Variants in INPP4B observed in about 807,000 individuals in gnomAD.
INPP4B encodes the protein inositol polyphosphate 4-phosphatase type II.
Under a neutral mutation model 122.5 loss-of-function variants are expected in INPP4B, and 55 were observed. The ratio of observed to expected loss-of-function variants is 0.45; its 90% CI spans 0.36 to 0.56. INPP4B has a LOEUF of 0.56. Ranked by LOEUF, INPP4B falls within the 20% of genes least tolerant of loss-of-function variation. INPP4B has a pLI of 0.00. For missense variants in INPP4B, 1,000 were observed against 1,097.7 expected (o/e 0.91, Z 1.26); for synonymous variants, 403 against 388.7 (o/e 1.04, Z -0.43).
At chr4:142,498,176 CAT>C (rs2149808875) in intron 2 of INPP4B, among the ~76,000 whole-genome samples, 1 of 148,248 alleles carries the variant, frequency 6.7e-6, no homozygotes, top group East Asian at 2.0e-4. Flanking sequence ...TGTATGTATA[CAT>C]ACATATGTAT....
At chr4:142,697,105 T>C (rs1351149335) in intron 2 of INPP4B, among the ~76,000 whole-genome samples, 2 of 152,222 alleles carry the variant, frequency 1.3e-5, no homozygotes, top group African/African-American at 4.8e-5. Context: ...GTGATGTTGA[T>C]GTCAATCATA....
intron 7 of INPP4B, among the ~76,000 whole-genome samples, chr4:142,338,538 TA>T (rs1366965398): frequency 6.6e-6 from 1 of 152,140 alleles, no homozygotes; most frequent in Non-Finnish European, 1.5e-5. Flanking sequence ...AGGCAACTTT[TA>T]AAAACAATAA....
chr4:142,146,961 C>T (rs1036898334), intron 17 of INPP4B, among the ~76,000 whole-genome samples: 2 of 152,116 alleles, frequency 1.3e-5, no homozygotes, highest in Non-Finnish European at 2.9e-5. Flanking sequence ...CACAAAATTG[C>T]TATTAATTGT....
intron 1 of INPP4B, among the ~76,000 whole-genome samples, chr4:142,747,599 T>A (rs368576894): frequency 6.6e-6 from 1 of 152,146 alleles, no homozygotes; most frequent in Non-Finnish European, 1.5e-5. Context: ...CTGTTCACAA[T>A]AGCTAAGACT....
intron 17 of INPP4B, among the ~76,000 whole-genome samples, chr4:142,157,740 C>T (rs1356286402): frequency 6.6e-6 from 1 of 152,112 alleles, no homozygotes; most frequent in Non-Finnish European, 1.5e-5. Flanking sequence ...AACCATGCCA[C>T]CTGATACTCC....
intron 2 of INPP4B, among the ~76,000 whole-genome samples, chr4:142,647,977 CTTTTCCTCCACCA>C (rs1752157031): frequency 6.6e-6 from 1 of 152,218 alleles, no homozygotes; most frequent in Non-Finnish European, 1.5e-5. Context: ...TTCTCTTTCT[CTTTTCCTCCACCA>C]TTCAATCCGA....
intron 7 of INPP4B, among the ~76,000 whole-genome samples, chr4:142,392,474 G>C (rs916420271): frequency 5.3e-5 from 8 of 151,966 alleles, no homozygotes; most frequent in Non-Finnish European, 8.8e-5. Flanking sequence ...CCCAATATAG[G>C]TGAGAAACTT....
rs137946868 is a variant in INPP4B at position 142,454,441 on chromosome 4, C to G, written c.-127+8222G>C. On this transcript the variant is annotated intron_variant, in intron 3 of 25. Coordinates refer to ENST00000262992, the MANE Select transcript of INPP4B (RefSeq NM_001101669.3). ...CACTGATTCTTTCCCACTTCATGAA[C>G]TATTCTGATAATTTCTTGACAAGCT... 4.9e-3 allele frequency among the ~76,000 whole-genome samples: 742 copies of G among 152,228 alleles called. 17 individuals carry two copies. The highest frequency in any genetic ancestry group is 0.042 in the Admixed American group (642 of 15,272).
intron 16 of INPP4B, among the ~76,000 whole-genome samples, chr4:142,164,260 A>C (rs1217014359): frequency 6.6e-6 from 1 of 151,832 alleles, no homozygotes; most frequent in African/African-American, 2.4e-5. Context: ...TTCATTTAAA[A>C]CTACTCTTTT....
At chr4:142,130,056 G>A (rs537078021) in intron 18 of INPP4B, among the ~76,000 whole-genome samples, 4 of 152,324 alleles carry the variant, frequency 2.6e-5, no homozygotes, top group Admixed American at 6.5e-5. Flanking sequence ...GTGACCAAAC[G>A]AGTTTTAGAA....
At chr4:142,507,245 C>A (rs896375511) in intron 2 of INPP4B, among the ~76,000 whole-genome samples, 1 of 152,016 alleles carries the variant, frequency 6.6e-6, no homozygotes, top group African/African-American at 2.4e-5. Context: ...TGTTTTATTT[C>A]CAGAATTTAG....
chr4:142,422,265 A>G (rs2149316965), intron 5 of INPP4B, among the ~76,000 whole-genome samples: 1 of 152,224 alleles, frequency 6.6e-6, no homozygotes, highest in South Asian at 2.1e-4. Context: ...ATTATTTAGA[A>G]CAGCATATGG....
intron 17 of INPP4B, among the ~76,000 whole-genome samples, chr4:142,152,212 C>A (rs1290567976): frequency 1.3e-5 from 2 of 150,934 alleles, no homozygotes; most frequent in Non-Finnish European, 2.9e-5. Flanking sequence ...GTAGCTGGGA[C>A]TACAGGCGCC....
At chr4:142,692,480 C>T (rs747717788) in intron 2 of INPP4B, among the ~76,000 whole-genome samples, 43 of 152,118 alleles carry the variant, frequency 2.8e-4, no homozygotes, top group Non-Finnish European at 4.6e-4. Flanking sequence ...ACGGGAGGAT[C>T]GCTTGAGCCC....
intron 2 of INPP4B, among the ~76,000 whole-genome samples, chr4:142,594,357 A>G (rs1330916120): frequency 6.6e-6 from 1 of 152,226 alleles, no homozygotes; most frequent in African/African-American, 2.4e-5. Flanking sequence ...AAAGGTTTGC[A>G]TCAATGTCCA....
At chr4:142,601,436 A>G (rs1739879775) in intron 2 of INPP4B, among the ~76,000 whole-genome samples, 1 of 152,122 alleles carries the variant, frequency 6.6e-6, no homozygotes, top group Non-Finnish European at 1.5e-5. Context: ...CAATTAAACA[A>G]CATGCTCCTG....
rs911302996 is a variant in INPP4B, at chr4:142,401,050, C to T, written c.372+1888G>A. On this transcript the variant is annotated intron_variant, in intron 7 of 25. Transcript: ENST00000262992. The stretch of plus-strand genomic sequence containing the variant: ...CTTTCCATGCCCCACCCTATGTCTT[C>T]GGACTGTTGGAGAATTAAATTTAAT... 3.3e-5 allele frequency among the ~76,000 whole-genome samples: 5 copies of T among 152,290 alleles called. No individual in the cohort carries two copies. In the East Asian group the frequency reaches 5.8e-4, roughly 18 times the overall value.
At chr4:142,522,742 G>C (rs1826265728) in intron 2 of INPP4B, among the ~76,000 whole-genome samples, 1 of 152,050 alleles carries the variant, frequency 6.6e-6, no homozygotes, top group African/African-American at 2.4e-5. Flanking sequence ...TTTCATGTCA[G>C]ACTGACCTTC....
chr4:142,433,915 A>G (rs1809870987), intron 3 of INPP4B, among the ~76,000 whole-genome samples: 1 of 152,172 alleles, frequency 6.6e-6, no homozygotes, highest in Non-Finnish European at 1.5e-5. Context: ...GGAAATGGAG[A>G]TTAAAAGAAA....
Sources: gnomAD v4.1 joint callset for allele counts (sites outside exome capture counted in the v4.1 genomes callset) on GRCh38, gnomAD v4.1.1 for gene constraint, MANE v1.5 for transcripts, NCBI Gene and HGNC (gene_info 2026-07-23, HGNC 2026-07-21) for gene names.